Variants in CFAP61 observed in about 807,000 individuals in gnomAD.
CFAP61 encodes the protein cilia- and flagella-associated protein 61.
Under a neutral mutation model 135.6 loss-of-function variants are expected in CFAP61, and 107 were observed. The ratio of observed to expected loss-of-function variants is 0.79; its 90% CI spans 0.67 to 0.93. The LOEUF is 0.93. CFAP61 is among the 40% of genes least tolerant of loss of function. CFAP61 has a pLI of 0.00. For synonymous variants in CFAP61, 575 were observed against 578.5 expected, an observed-to-expected ratio of 0.99 and a Z score of 0.09; for missense variants, 1,507 against 1,556.2, an observed-to-expected ratio of 0.97 and a Z score of 0.53.
At chr20:20,250,796 T>C (rs1273465332) in intron 19 of CFAP61, among the ~76,000 whole-genome samples, 3 of 152,122 alleles carry the variant, frequency 2.0e-5, no homozygotes, top group African/African-American at 7.2e-5. Flanking sequence ...CACAAAACTG[T>C]TTAAATAAAC....
rs545122652 is a variant in CFAP61 at position 20,138,237 on chromosome 20, C to T, written c.860-4620C>T. On this transcript the variant is annotated intron_variant, in intron 8 of 26. Transcript: ENST00000245957. The stretch of plus-strand genomic sequence containing the variant: ...GTGCCTGGGATTAGGGGAGGGGTAA[C>T]GCAAGCACTCTTTTAGCAGATCCAG... 3.9e-5 allele frequency among the ~76,000 whole-genome samples: 6 copies of T among 152,248 alleles called. No homozygotes were observed. In the East Asian group the frequency reaches 7.7e-4, roughly 20 times the overall value.
chr20:20,139,340 T>C (rs531519477), intron 8 of CFAP61, among the ~76,000 whole-genome samples: 17 of 152,346 alleles, frequency 1.1e-4, no homozygotes, highest in Middle Eastern at 3.4e-3. Context: ...CTCTAAGCTT[T>C]ATTAGCTTCA....
At chr20:20,336,466 A>G (rs1441355284) in intron 25 of CFAP61, among the ~76,000 whole-genome samples, 1 of 152,058 alleles carries the variant, frequency 6.6e-6, no homozygotes, top group African/African-American at 2.4e-5. Context: ...GAAAGATTCC[A>G]AATAGAAAAT....
intron 10 of CFAP61, among the ~76,000 whole-genome samples, chr20:20,163,651 C>T (rs907846114): frequency 4.6e-5 from 7 of 151,338 alleles, no homozygotes; most frequent in East Asian, 1.9e-4. Context: ...GTGTGCAGAA[C>T]GTGCAGGTTT....
chr20:20,095,854 G>A (rs759673139), intron 7 of CFAP61, among the ~76,000 whole-genome samples: 9 of 152,206 alleles, frequency 5.9e-5, no homozygotes, highest in Non-Finnish European at 1.3e-4. Flanking sequence ...ACCCAAAAGG[G>A]ATGGGTGGCT....
At chr20:20,234,483 T>C (rs943410427) in intron 18 of CFAP61, among the ~76,000 whole-genome samples, 2 of 152,008 alleles carry the variant, frequency 1.3e-5, no homozygotes, top group African/African-American at 4.8e-5. Flanking sequence ...GGGGAGAGGA[T>C]TTTGTGGGTT....
At chr20:20,182,530 TG>T (rs1367321604) in intron 13 of CFAP61, among the ~76,000 whole-genome samples, 1 of 151,970 alleles carries the variant, frequency 6.6e-6, no homozygotes, top group Non-Finnish European at 1.5e-5. Context: ...GTGGACTGTC[TG>T]GTTCCCTGAT....
chr20:20,289,057 T>C, intron 23 of CFAP61, 121 bp downstream of exon 23: 1 of 663,878 alleles, frequency 1.5e-6, no homozygotes, highest in Non-Finnish European at 2.5e-6. Context: ...CCTCAATGGG[T>C]TGCCACAGAG....
chr20:20,294,337 T>G (rs574524991), intron 24 of CFAP61, among the ~76,000 whole-genome samples: 15 of 152,358 alleles, frequency 9.8e-5, no homozygotes, highest in Admixed American at 3.9e-4. Context: ...AATTTGTGTC[T>G]GAGAAACCCC....
chr20:20,199,120 T>C (rs1448665807), intron 16 of CFAP61, among the ~76,000 whole-genome samples: 1 of 152,228 alleles, frequency 6.6e-6, no homozygotes, highest in Non-Finnish European at 1.5e-5. Context: ...TCATAGTTCA[T>C]TTCAATAAGT....
At chr20:20,063,563 C>T (rs1024715874) in intron 2 of CFAP61, among the ~76,000 whole-genome samples, 1 of 152,094 alleles carries the variant, frequency 6.6e-6, no homozygotes, top group African/African-American at 2.4e-5. Context: ...AGTAATAATT[C>T]TTAACCTAAT....
chr20:20,056,098 T>C (rs1243739767), intron 1 of CFAP61: 5 of 972,338 alleles, frequency 5.1e-6, no homozygotes, highest in South Asian at 2.9e-5. Flanking sequence ...CTCTCAAAGA[T>C]GTTAATGGGC....
At chr20:20,213,899 A>ATCTCTC (rs72052231) in intron 17 of CFAP61, among the ~76,000 whole-genome samples, 2 of 147,526 alleles carry the variant, frequency 1.4e-5, no homozygotes, top group Admixed American at 6.8e-5. Context: ...ATGGTGTGCA[A>ATCTCTC]TCTCTCTCTC....
In CFAP61 at chr20:20,290,057, G is replaced by A. The variant is rs557091388; in HGVS notation, c.3125-243G>A. Among the ~76,000 whole-genome samples the A allele has an allele frequency of 5.7e-4, 87 of 152,264 alleles. No individual in the cohort carries two copies. In the South Asian group the frequency reaches 8.7e-3, roughly 15 times the overall value. ...GGATAATCACAGGATACACAAGATC[G>A]GCTTGGCACATCCTGGAGCAATGGC... On this transcript the variant is annotated intron_variant, in intron 23 of 26. Coordinates refer to ENST00000245957, the MANE Select transcript of CFAP61 (RefSeq NM_015585.4).
chr20:20,357,118 T>G (rs1336945063), intron 26 of CFAP61, among the ~76,000 whole-genome samples: 6 of 63,112 alleles, frequency 9.5e-5, no homozygotes, highest in Admixed American at 1.8e-4. Context: ...ATACTGTGAG[T>G]GAGGAGGTAG....
chr20:20,228,538 G>A (rs1427339799), intron 18 of CFAP61, 162 bp downstream of exon 18: 5 of 577,206 alleles, frequency 8.7e-6, no homozygotes, highest in Admixed American at 2.9e-5. Flanking sequence ...TTCTAGATCA[G>A]GGGTTAGCAA....
chr20:20,349,063 T>G (rs546427845), intron 26 of CFAP61, among the ~76,000 whole-genome samples: 1 of 152,238 alleles, frequency 6.6e-6, no homozygotes. Context: ...ACTATCTCCA[T>G]TCTCAGGTGA....
intron 17 of CFAP61, among the ~76,000 whole-genome samples, chr20:20,200,381 C>G (rs578139369): frequency 3.3e-4 from 50 of 152,142 alleles, no homozygotes; most frequent in Non-Finnish European, 5.4e-4. Flanking sequence ...CCATTTGAAT[C>G]AAGATGATTA....
At chr20:20,270,925 A>G (rs1410934285) in intron 21 of CFAP61, among the ~76,000 whole-genome samples, 1 of 152,162 alleles carries the variant, frequency 6.6e-6, no homozygotes, top group Admixed American at 6.5e-5. Flanking sequence ...GCCAGCCTCA[A>G]CCTTTCGAAT....
Sources: gnomAD v4.1 joint callset for allele counts (sites outside exome capture counted in the v4.1 genomes callset) on GRCh38, gnomAD v4.1.1 for gene constraint, MANE v1.5 for transcripts, NCBI Gene and HGNC (gene_info 2026-07-23, HGNC 2026-07-21) for gene names.